Variants in CDAN1 observed in about 807,000 individuals in gnomAD.
CDAN1 encodes the protein codanin-1.
CDAN1 carries 107 observed loss-of-function variants against 139.8 expected under a neutral mutation model. That is an observed-to-expected ratio of 0.77 (90% CI 0.65 to 0.90). CDAN1 has a LOEUF of 0.90. Among genes scored for constraint, CDAN1 ranks in the 40% least tolerant of loss-of-function variants. CDAN1 has a pLI of 0.00. For missense variants in CDAN1, 1,667 were observed against 1,575.7 expected (o/e 1.06, Z -0.98); for synonymous variants, 776 against 660.6 (o/e 1.17, Z -2.68).
chr15:42,736,544 G>C lies in CDAN1; in HGVS notation c.327C>G (p.Thr109=), dbSNP rs914293949. ...GGCGGGCCAGAGGGGCCTCGGCAGC[G>C]GTGCTCTGGGCCTCGGTCGGAGGGA... is the stretch of plus-strand genomic sequence containing the variant. ...QLFPPTEAQS[T]AAEAPLARRG... Residue 109 remains threonine (T), a synonymous_variant, in exon 2 of 28, where the codon ACC becomes ACG. Transcript: ENST00000356231. 2.1e-5 allele frequency: 31 copies of C among 1,470,442 alleles called. No homozygotes were observed. The highest frequency in any genetic ancestry group is 2.9e-5 in the East Asian group (1 of 34,018). 91.1% of individuals were successfully genotyped at this position (1,470,442 alleles called of 1,614,324 possible). A position where few individuals can be genotyped will look rare whatever the true frequency, so the allele number is the denominator to read the frequency against.
In CDAN1 at chr15:42,731,798, C is replaced by T. The variant is rs143195966; in HGVS notation, c.1561G>A (p.Gly521Ser). ...TCTGGGGCCTCGCCCAAGACGGTGC[C>T]CCCAGCACCACCAGGGCTCTGACAC... is the stretch of plus-strand genomic sequence containing the variant. ...QMCQSPGGAGGTVLGEAPDVL... is the reference protein window; with the variant it reads ...QMCQSPGGAGSTVLGEAPDVL... The change falls in exon 11 of 28, where the codon GGC becomes AGC. Residue 521 changes from glycine to serine, a missense_variant. This residue lies in a region of CDAN1 where 244 missense variants were observed against 309.4 expected (regional missense o/e 0.79). Coordinates refer to ENST00000356231, the MANE Select transcript of CDAN1 (RefSeq NM_138477.4). The T allele has an allele frequency of 1.6e-4, 261 of 1,613,918 alleles. No homozygotes were observed. The highest frequency in any genetic ancestry group is 2.2e-4 in the Non-Finnish European group (258 of 1,179,968).
chr15:42,726,479 G>T, intron 23 of CDAN1, 62 bp from the exon 24 acceptor site: 1 of 1,368,548 alleles, frequency 7.3e-7, no homozygotes, highest in Non-Finnish European at 1.0e-6. Context: ...AGAGAATTTG[G>T]CTTGGGACAG....
At position 42,736,329 on chromosome 15, in the gene CDAN1, A is replaced by G. The variant is rs766609394; in HGVS notation, c.542T>C (p.Val181Ala). 1 of 1,613,778 alleles carries G rather than the reference A, an allele frequency of 6.2e-7. No homozygotes were observed. The highest frequency in any genetic ancestry group is 1.3e-5 in the African/African-American group (1 of 75,016). Residue 181 changes from valine (V) to alanine (A), a missense_variant, in exon 2 of 28, where the codon GTA becomes GCA. By Grantham distance (64) the Val-to-Ala change is moderately conservative (BLOSUM62 0). This residue lies in a region of CDAN1 where 487 missense variants were observed against 422.2 expected (regional missense o/e 1.15). Coordinates refer to ENST00000356231, the MANE Select transcript of CDAN1 (RefSeq NM_138477.4). Reference sequence around the variant, plus strand: ...TGTAGGGCCGGGGGGAACCGAGCCTACGGGAGGGAACTCCTCCAGGTTGCT... The same window carrying G: ...TGTAGGGCCGGGGGGAACCGAGCCTGCGGGAGGGAACTCCTCCAGGTTGCT... ...NLSNLEEFPPVGSVPPGPTGT... is the reference protein window; with the variant it reads ...NLSNLEEFPPAGSVPPGPTGT...
intron 15 of CDAN1, 37 bp from the exon 16 acceptor site, chr15:42,729,922 A>ACGGCCCCCCCCCCCCCCCCCCCC: frequency 6.6e-7 from 1 of 1,513,184 alleles, no homozygotes. Flanking sequence ...AACTTCAGAG[A>ACGGCCCCCCCCCCCCCCCCCCCC]CCCCCACCCA....
chr15:42,735,905 T>G lies in CDAN1; in HGVS notation c.743A>C (p.Gln248Pro), dbSNP rs1185476248. 1.9e-6 allele frequency: 3 copies of G among 1,614,134 alleles called. No individual in the cohort carries two copies. Among genetic ancestry groups the G allele is most frequent in the Non-Finnish European group, 2.5e-6 (3 of 1,180,000 alleles). ...CTTCCTGAGCATCTCTCGCTCCTCT[T>G]GCAGACTTCTGCACCCTGGGGGAAG... Reference protein sequence around the residue: ...LGLPPGCRSLQEEREMLRKER... With the variant: ...LGLPPGCRSLPEEREMLRKER... The change falls in exon 3 of 28, where the codon CAA becomes CCA. Residue 248 changes from glutamine to proline, a missense_variant. By Grantham distance (76) the Gln-to-Pro change is moderately conservative. Coordinates refer to ENST00000356231, the MANE Select transcript of CDAN1 (RefSeq NM_138477.4).
At chr15:42,736,820 C>G (rs1444065261) in intron 1 of CDAN1, 40 bp from the exon 2 acceptor site, 3 of 1,481,556 alleles carry the variant, frequency 2.0e-6, no homozygotes, top group Admixed American at 2.4e-5. Flanking sequence ...GAGGGTCAGC[C>G]GCCGGCCCGC....
Position 42,730,610 on chromosome 15 carries a change from A to C in CDAN1, c.2162T>G (p.Leu721Arg). ...EYYRDIFTLL[L>R]RLHRSLVLSQ... is the part of the protein sequence containing the mutation. ...TTGTTCCACTCACCGGTGCAGGCGC[A>C]GCAGGAGAGTGAAGATGTCCCGGTA... Residue 721 changes from leucine (L) to arginine (R), a missense_variant, in exon 14 of 28, where the codon CTG (leucine) becomes CGG (arginine). By Grantham distance (102) the Leu-to-Arg change is moderately radical. Transcript: ENST00000356231. 6.2e-7 allele frequency: 1 copy of C among 1,614,196 alleles called. No individual in the cohort carries two copies.
At chr15:42,730,852 A>C in intron 13 of CDAN1, 73 bp downstream of exon 13, 2 of 1,613,048 alleles carry the variant, frequency 1.2e-6, no homozygotes, top group Non-Finnish European at 1.7e-6. Context: ...AGAATAGCCA[A>C]GGAAACCAGT....
chr15:42,731,476 A>T (rs1332704471), intron 11 of CDAN1, 144 bp downstream of exon 11: 1 of 1,409,018 alleles, frequency 7.1e-7, no homozygotes, highest in African/African-American at 1.4e-5. Flanking sequence ...GGGTGACAGA[A>T]TGAGAAGTGC....
At chr15:42,728,373 G>C in intron 20 of CDAN1, 106 bp from the exon 21 acceptor site, 1 of 1,328,700 alleles carries the variant, frequency 7.5e-7, no homozygotes, top group African/African-American at 1.4e-5. Flanking sequence ...CTGTACCTTG[G>C]AAGGAGGCAC....
intron 18 of CDAN1, 32 bp from the exon 19 acceptor site, chr15:42,729,158 CCT>C (rs2061574059): frequency 6.2e-7 from 1 of 1,613,546 alleles, no homozygotes; most frequent in Non-Finnish European, 8.5e-7. Flanking sequence ...AGCAAGGCTT[CCT>C]CCAGCCTCCC....
chr15:42,736,397 G>A lies in CDAN1; in HGVS notation c.474C>T (p.Ser158=), dbSNP rs1399160919. The A allele has an allele frequency of 1.2e-6, 2 of 1,612,086 alleles. No individual in the cohort carries two copies. The highest frequency in any genetic ancestry group is 1.1e-5 in the South Asian group (1 of 91,020). The change falls in exon 2 of 28, where the codon AGC becomes AGT. Residue 158 remains serine (S), a synonymous_variant. Transcript: ENST00000356231. ...AGGRRLRGSG[S]PSRPSLTLSD... is the part of the protein sequence containing the mutation. ...ACAGCGTGAGGCTGGGGCGGCTGGG[G>A]CTGCCAGAGCCCCTAAGCCTCCGGC... is the stretch of plus-strand genomic sequence containing the variant.
rs375921570 is a variant in CDAN1, at chr15:42,729,778, C to T, written c.2352+18G>A. 4.1e-5 allele frequency: 66 copies of T among 1,608,854 alleles called. No individual in the cohort carries two copies. Among genetic ancestry groups the T allele is most frequent in the Middle Eastern group, 3.4e-4 (2 of 5,934 alleles). On this transcript the variant is annotated intron_variant, in intron 16 of 27. Transcript: ENST00000356231. ...ATTCCTGAGTTTCCCATGGCTCTGG[C>T]GGAACCCCAGCACTCACCAAGCCAT... is the stretch of plus-strand genomic sequence containing the variant.
At position 42,727,941 on chromosome 15, in the gene CDAN1, A is replaced by C. The variant is rs1287887135; in HGVS notation, c.2947+14T>G. ...AAACACTTGATTCAGCCACTCCCCCATCCAGGACCTTACCTGTGATGTTGG... is the reference window on the plus strand; with the variant it reads ...AAACACTTGATTCAGCCACTCCCCCCTCCAGGACCTTACCTGTGATGTTGG... On this transcript the variant is annotated intron_variant, in intron 22 of 27. Transcript: ENST00000356231. 5 of 1,613,340 alleles carry C rather than the reference A, an allele frequency of 3.1e-6. No homozygotes were observed. Among genetic ancestry groups the C allele is most frequent in the South Asian group, 1.1e-5 (1 of 91,070 alleles).
intron 4 of CDAN1, 65 bp downstream of exon 4, chr15:42,735,445 T>C (rs1265103880): frequency 1.2e-6 from 2 of 1,602,790 alleles, no homozygotes; most frequent in African/African-American, 1.3e-5. Flanking sequence ...CCAAGTGCCT[T>C]ACCAATTCTC....
chr15:42,730,466 TC>T, intron 14 of CDAN1, 131 bp downstream of exon 14: 1 of 1,117,598 alleles, frequency 8.9e-7, no homozygotes, highest in Non-Finnish European at 1.3e-6. Context: ...ATCGTGCCTC[TC>T]CCAGGGCTCA....
At chr15:42,732,122 G>C (rs534382135) in intron 10 of CDAN1, among the ~76,000 whole-genome samples, 1 of 152,262 alleles carries the variant, frequency 6.6e-6, no homozygotes, top group South Asian at 2.1e-4. Flanking sequence ...GCAGGCTAGA[G>C]GAGCTGCAGG....
intron 10 of CDAN1, 123 bp from the exon 11 acceptor site, chr15:42,731,948 T>C (rs1595859111): frequency 3.4e-6 from 3 of 895,502 alleles, no homozygotes; most frequent in East Asian, 2.6e-5. Context: ...GTGCTTTAGA[T>C]AGATTTTCTG....
chr15:42,730,181 T>C lies in CDAN1; in HGVS notation c.2209A>G (p.Met737Val). ...AGCAGCAGCTTGTTCAGGAAACACA[T>C]CTTCCCCTCACTCTCCTGCGACAAC... ...LVLSQESEGK[M>V]CFLNKLLLLA... Residue 737 changes from methionine to valine, a missense_variant, in exon 15 of 28, where the codon ATG becomes GTG. By Grantham distance (21) the Met-to-Val change is conservative. Transcript: ENST00000356231. 6.2e-7 allele frequency: 1 copy of C among 1,614,102 alleles called. No homozygotes were observed. The highest frequency in any genetic ancestry group is 8.5e-7 in the Non-Finnish European group (1 of 1,180,016).
Sources: allele counts gnomAD v4.1 joint callset (sites outside exome capture counted in the v4.1 genomes callset), GRCh38; gene constraint gnomAD v4.1.1; regional missense constraint gnomAD v4.1.1; transcripts MANE v1.5; gene names NCBI Gene and HGNC (gene_info 2026-07-23, HGNC 2026-07-21).